The following PDE4D variants were observed in gnomAD, a reference collection of about 807,000 sequenced individuals.
PDE4D encodes the protein 3',5'-cyclic-AMP phosphodiesterase 4D.
A neutral mutation model predicts 87.4 loss-of-function variants in PDE4D; 24 were observed. The ratio of observed to expected loss-of-function variants is 0.27; its 90% CI spans 0.20 to 0.39. The LOEUF (loss-of-function observed/expected upper bound fraction) is 0.39. PDE4D is among the 10% of genes least tolerant of loss of function. PDE4D has a pLI of 1.00. For missense variants in PDE4D, 714 were observed against 1,041.0 expected (o/e 0.69, Z 4.32); for synonymous variants, 384 against 383.2 (o/e 1.00, Z -0.02).
intron 3 of PDE4D, among the ~76,000 whole-genome samples, chr5:59,922,134 G>A (rs535831762): frequency 4.6e-5 from 7 of 152,246 alleles, no homozygotes; most frequent in East Asian, 1.9e-4. Context: ...CTCAGCTAGC[G>A]CCAGTGGAGG....
intron 5 of PDE4D, among the ~76,000 whole-genome samples, chr5:59,150,854 A>C (rs1048368583): frequency 6.6e-6 from 1 of 152,216 alleles, no homozygotes; most frequent in African/African-American, 2.4e-5. Context: ...CTGATGGCCT[A>C]AAATTGGGCC....
chr5:59,467,813 C>A (rs1801806722), intron 1 of PDE4D, among the ~76,000 whole-genome samples: 1 of 152,094 alleles, frequency 6.6e-6, no homozygotes, highest in Admixed American at 6.5e-5. Context: ...ACTGGTATTT[C>A]ATTTATCCAG....
intron 1 of PDE4D, among the ~76,000 whole-genome samples, chr5:59,762,566 G>GTATATGTGTATATGGGTACA (rs1762221138): frequency 7.1e-6 from 1 of 140,502 alleles, no homozygotes; most frequent in Non-Finnish European, 1.6e-5. Context: ...ACACATATGT[G>GTATATGTGTATATGGGTACA]TATATGTGTA....
chr5:59,669,313 T>C (rs1345843075), intron 1 of PDE4D, among the ~76,000 whole-genome samples: 2 of 152,154 alleles, frequency 1.3e-5, no homozygotes, highest in South Asian at 4.1e-4. Context: ...TGGTTCTCCA[T>C]GTTGGTCATG....
intron 1 of PDE4D, among the ~76,000 whole-genome samples, chr5:60,397,982 C>G (rs1762997626): frequency 1.3e-5 from 2 of 152,190 alleles, no homozygotes; most frequent in Non-Finnish European, 2.9e-5. Context: ...ATTCACAGCA[C>G]AGGCTCTACT....
chr5:58,982,490 T>C (rs75385369), intron 11 of PDE4D, among the ~76,000 whole-genome samples: 23 of 152,320 alleles, frequency 1.5e-4, no homozygotes, highest in Non-Finnish European at 3.2e-4. Flanking sequence ...TGGAATACCA[T>C]AGTTTTGGCA....
At chr5:59,560,087 T>C (rs1161873829) in intron 1 of PDE4D, among the ~76,000 whole-genome samples, 3 of 152,198 alleles carry the variant, frequency 2.0e-5, no homozygotes, top group Non-Finnish European at 2.9e-5. Context: ...GTTTAGGACA[T>C]GGCACCAGAG....
chr5:60,456,489 C>A (rs915425881), intron 1 of PDE4D, among the ~76,000 whole-genome samples: 2 of 152,190 alleles, frequency 1.3e-5, no homozygotes, highest in African/African-American at 4.8e-5. Context: ...AAATAAACAA[C>A]CTAAGCTCTA....
At chr5:60,249,019 C>T (rs909511103) in intron 1 of PDE4D, among the ~76,000 whole-genome samples, 4 of 152,024 alleles carry the variant, frequency 2.6e-5, no homozygotes, top group Non-Finnish European at 4.4e-5. Flanking sequence ...TTGCCAAAGA[C>T]TGTAACTTGT....
chr5:59,573,437 A>G (rs969250333), intron 1 of PDE4D, among the ~76,000 whole-genome samples: 2 of 151,784 alleles, frequency 1.3e-5, no homozygotes, highest in African/African-American at 4.8e-5. Flanking sequence ...ACCCTCCCCA[A>G]TACCCCTCAC....
chr5:59,338,545 A>G (rs571355715), intron 1 of PDE4D, among the ~76,000 whole-genome samples: 1 of 152,242 alleles, frequency 6.6e-6, no homozygotes. Flanking sequence ...GTGCCGAAAG[A>G]CTGCACGTCA....
At chr5:59,950,183 TCA>T (rs1399640835) in intron 3 of PDE4D, among the ~76,000 whole-genome samples, 1 of 152,148 alleles carries the variant, frequency 6.6e-6, no homozygotes, top group Non-Finnish European at 1.5e-5. Context: ...TCTGCGTATC[TCA>T]CAGTGTCTTT....
At chr5:60,455,759 TAG>T (rs1401000308) in intron 1 of PDE4D, among the ~76,000 whole-genome samples, 2 of 152,132 alleles carry the variant, frequency 1.3e-5, no homozygotes, top group Non-Finnish European at 2.9e-5. Flanking sequence ...CCTACAGCAT[TAG>T]AGTCCAGAGA....
At chr5:58,984,436 A>G (rs1162580352) in intron 11 of PDE4D, among the ~76,000 whole-genome samples, 1 of 152,200 alleles carries the variant, frequency 6.6e-6, no homozygotes, top group Admixed American at 6.5e-5. Context: ...AACATTTAGT[A>G]GGCTTGCAGT....
intron 1 of PDE4D, chr5:59,356,901 G>A (rs1192851420): frequency 6.8e-7 from 1 of 1,477,456 alleles, no homozygotes; most frequent in Non-Finnish European, 8.8e-7. Flanking sequence ...AGCTGGTGCG[G>A]GGCTCTGGGG....
At chr5:60,429,836 T>G (rs887768191) in intron 1 of PDE4D, 4 of 333,850 alleles carry the variant, frequency 1.2e-5, no homozygotes, top group East Asian at 7.9e-5. Flanking sequence ...GTGGATTAGT[T>G]TTTTTTTTTT....
At chr5:58,993,319 C>T (rs1444410204) in intron 7 of PDE4D, 53 bp downstream of exon 7, 3 of 1,080,150 alleles carry the variant, frequency 2.8e-6, no homozygotes, top group African/African-American at 3.2e-5. Flanking sequence ...CCTACAAAAA[C>T]AAACAAGCAA....
chr5:59,581,194 T>C (rs1824072392), intron 1 of PDE4D, among the ~76,000 whole-genome samples: 2 of 152,094 alleles, frequency 1.3e-5, no homozygotes, highest in African/African-American at 4.8e-5. Context: ...TGGGATATGA[T>C]TGAAAGAGGA....
intron 1 of PDE4D, among the ~76,000 whole-genome samples, chr5:59,849,641 T>C (rs1163200558): frequency 6.6e-6 from 1 of 152,046 alleles, no homozygotes; most frequent in African/African-American, 2.4e-5. Flanking sequence ...GTTTTTTTTT[T>C]TTAAATCATA....
Sources: gnomAD v4.1 joint callset for allele counts (sites outside exome capture counted in the v4.1 genomes callset) on GRCh38, gnomAD v4.1.1 for gene constraint, MANE v1.5 for transcripts, NCBI Gene and HGNC (gene_info 2026-07-23, HGNC 2026-07-21) for gene names.